Variants in NUP35 observed in about 807,000 individuals in gnomAD.
NUP35 encodes nucleoporin 35, also known as nucleoporin NUP35.
Under a neutral mutation model 41.5 loss-of-function variants are expected in NUP35, and 25 were observed. The observed-to-expected ratio is 0.60, with a 90% CI of 0.44 to 0.84. The LOEUF is 0.84. Ranked by LOEUF, NUP35 falls within the 40% of genes least tolerant of loss-of-function variation. The pLI, the probability that NUP35 is intolerant of heterozygous loss-of-function variation, is 0.00. For missense variants in NUP35, 396 were observed against 396.6 expected (o/e 1.00, Z 0.01); for synonymous variants, 149 against 130.7 (o/e 1.14, Z -0.96).
intron 2 of NUP35, among the ~76,000 whole-genome samples, chr2:183,129,366 A>T (rs1391046334): frequency 5.9e-5 from 9 of 152,222 alleles, no homozygotes; most frequent in Non-Finnish European, 1.3e-4. Context: ...TAGATACAGA[A>T]GTGTTGAATT....
chr2:183,122,319 G>A (rs1453956432), upstream of NUP35, among the ~76,000 whole-genome samples: 11 of 151,608 alleles, frequency 7.3e-5, no homozygotes, highest in African/African-American at 2.4e-4. Context: ...CTCGTGATCC[G>A]CCCGCCTTGG....
In NUP35 at chr2:183,128,320, C is replaced by A; in HGVS notation, c.74C>A (p.Ser25Tyr). ...SEPMMLGSPTSPKPGVNAQFL... is the reference protein window; with the variant it reads ...SEPMMLGSPTYPKPGVNAQFL... ...CCAATGATGCTGGGTTCACCCACAT[C>A]TCCAAAGCCAGGAGTTAATGCCCAG... Residue 25 changes from serine to tyrosine, a missense_variant, in exon 2 of 9, where the codon TCT becomes TAT. By Grantham distance (144) the Ser-to-Tyr change is moderately radical. Transcript: ENST00000295119. 6.2e-7 allele frequency: 1 copy of A among 1,613,396 alleles called. No individual in the cohort carries two copies. The highest frequency in any genetic ancestry group is 8.5e-7 in the Non-Finnish European group (1 of 1,179,626).
chr2:183,127,278 A>ATT (rs55711123), intron 1 of NUP35, among the ~76,000 whole-genome samples: 28 of 144,656 alleles, frequency 1.9e-4, no homozygotes, highest in East Asian at 1.8e-3. Context: ...TGATTCTTTA[A>ATT]TTTTTTTTTT....
rs953933813 is a variant in NUP35, at chr2:183,157,297, A to G, written c.540-147A>G. On this transcript the variant is annotated intron_variant, in intron 5 of 8. Coordinates refer to ENST00000295119, the MANE Select transcript of NUP35 (RefSeq NM_138285.5). Reference sequence around the variant, plus strand: ...GACTAGTCACTGACAGAATTAGCCCATATCGGGGAAAACAGGATGATCAGC... The same window carrying G: ...GACTAGTCACTGACAGAATTAGCCCGTATCGGGGAAAACAGGATGATCAGC... 10 of 667,126 alleles carry G rather than the reference A, an allele frequency of 1.5e-5. No individual in the cohort carries two copies. In the South Asian group the frequency reaches 1.5e-4, roughly 10 times the overall value. The allele number at this position is 667,126 out of a possible 1,614,324, so 41.3% of individuals were successfully genotyped here.
Position 183,153,691 on chromosome 2 carries a change from G to T in NUP35, c.539+2042G>T, listed in dbSNP as rs79481531. Among the ~76,000 whole-genome samples the T allele has an allele frequency of 4.3e-3, 657 of 152,226 alleles. 5 individuals carry two copies. Among genetic ancestry groups the T allele is most frequent in the Admixed American group, 7.4e-3 (113 of 15,296 alleles). On this transcript the variant is annotated intron_variant, in intron 5 of 8. Coordinates refer to ENST00000295119, the MANE Select transcript of NUP35 (RefSeq NM_138285.5). ...CAGCCTCCCTCCTGGCTGTTTTCCC[G>T]TGCTGGCATTGCGTGTATGGGTTTT... is the stretch of plus-strand genomic sequence containing the variant.
At chr2:183,152,209 C>CAG (rs10664250) in intron 5 of NUP35, among the ~76,000 whole-genome samples, 123,290 of 150,820 alleles carry the variant, frequency 0.82, 51,176 homozygotes, top group East Asian at 0.99. Context: ...TTAATAGAAA[C>CAG]AGTATGACAG....
At chr2:183,130,687 A>G in intron 3 of NUP35, 142 bp downstream of exon 3, 1 of 934,776 alleles carries the variant, frequency 1.1e-6, no homozygotes. Flanking sequence ...TAAACACATC[A>G]TAGAATCTAC....
At chr2:183,138,753 T>C (rs1684982137) in intron 4 of NUP35, among the ~76,000 whole-genome samples, 1 of 150,910 alleles carries the variant, frequency 6.6e-6, no homozygotes, top group African/African-American at 2.5e-5. Context: ...ATTAGCTCTC[T>C]TCCAAAATGG....
intron 6 of NUP35, 73 bp from the exon 7 acceptor site, chr2:183,158,210 A>G (rs1685741719): frequency 2.7e-6 from 3 of 1,118,548 alleles, no homozygotes; most frequent in East Asian, 2.9e-5. Context: ...CCATGTTCCT[A>G]TTTTCTAGTA....
At chr2:183,129,587 T>TA (rs1684623518) in intron 2 of NUP35, among the ~76,000 whole-genome samples, 1 of 152,250 alleles carries the variant, frequency 6.6e-6, no homozygotes, top group African/African-American at 2.4e-5. Context: ...ATTGATTGCT[T>TA]ATGAGCCTGG....
upstream of NUP35, chr2:183,123,647 T>C (rs1040575289): frequency 6.9e-6 from 2 of 289,062 alleles, no homozygotes; most frequent in Non-Finnish European, 1.0e-5. Context: ...CACATTATTT[T>C]ATAAAGTTAG....
chr2:183,139,492 T>TA (rs1299561542), intron 4 of NUP35, among the ~76,000 whole-genome samples: 1 of 152,148 alleles, frequency 6.6e-6, no homozygotes, highest in African/African-American at 2.4e-5. Flanking sequence ...ACTGTTAACT[T>TA]ACATATGATT....
chr2:183,154,421 C>T (rs1429644341), intron 5 of NUP35, among the ~76,000 whole-genome samples: 1 of 152,194 alleles, frequency 6.6e-6, no homozygotes, highest in Non-Finnish European at 1.5e-5. Flanking sequence ...GCACTCAAGT[C>T]ACCTTTTGAA....
intron 5 of NUP35, among the ~76,000 whole-genome samples, chr2:183,154,175 G>A (rs771357272): frequency 1.4e-4 from 21 of 152,156 alleles, no homozygotes; most frequent in Non-Finnish European, 2.8e-4. Flanking sequence ...TTTTCCTCCT[G>A]GGCCTCCAGG....
chr2:183,151,546 C>G lies in NUP35; in HGVS notation c.436C>G (p.Arg146Gly). Residue 146 changes from arginine to glycine, a missense_variant, in exon 5 of 9, where the codon CGA (arginine) becomes GGA (glycine). Physicochemically the swap from Arg to Gly is moderately radical, Grantham distance 125. Coordinates refer to ENST00000295119, the MANE Select transcript of NUP35 (RefSeq NM_138285.5). Reference protein sequence around the residue: ...MFSPASIGQPRKTTLSPAQLD... With the variant: ...MFSPASIGQPGKTTLSPAQLD... The stretch of plus-strand genomic sequence containing the variant: ...TAGTCCAGCAAGTATCGGTCAGCCA[C>G]GAAAGACGACATTATCTCCTGCCCA... 5 of 1,613,976 alleles carry G rather than the reference C, an allele frequency of 3.1e-6. No homozygotes were observed. Among genetic ancestry groups the G allele is most frequent in the South Asian group, 1.1e-5 (1 of 91,082 alleles).
intron 3 of NUP35, among the ~76,000 whole-genome samples, chr2:183,133,295 T>C (rs1037854294): frequency 6.6e-6 from 1 of 151,330 alleles, no homozygotes; most frequent in Non-Finnish European, 1.5e-5. Flanking sequence ...AACAAATAGT[T>C]AACATGTCAC....
chr2:183,154,282 T>C (rs1685573542), intron 5 of NUP35, among the ~76,000 whole-genome samples: 1 of 152,242 alleles, frequency 6.6e-6, no homozygotes. Flanking sequence ...TTTCTAGCTA[T>C]GCAAATTTCT....
At chr2:183,142,121 C>T (rs182051811) in intron 4 of NUP35, among the ~76,000 whole-genome samples, 11 of 152,150 alleles carry the variant, frequency 7.2e-5, no homozygotes, top group East Asian at 5.8e-4. Flanking sequence ...AGTATTTTTA[C>T]GTGACCTGTT....
At chr2:183,152,140 C>CACACAA (rs1685490233) in intron 5 of NUP35, among the ~76,000 whole-genome samples, 1 of 143,524 alleles carries the variant, frequency 7.0e-6, no homozygotes, top group African/African-American at 2.6e-5. Flanking sequence ...CACACACACA[C>CACACAA]ACACACACAC....
Sources: gnomAD v4.1 joint callset for allele counts (sites outside exome capture counted in the v4.1 genomes callset) on GRCh38, gnomAD v4.1.1 for gene constraint, MANE v1.5 for transcripts, NCBI Gene and HGNC (gene_info 2026-07-23, HGNC 2026-07-21) for gene names.